The following CORIN variants were observed in gnomAD, a reference collection of about 807,000 sequenced individuals.
The protein encoded by CORIN is corin, serine peptidase.
A neutral mutation model predicts 125.3 loss-of-function variants in CORIN; 117 were observed. The ratio of observed to expected loss-of-function variants is 0.93; its 90% CI spans 0.80 to 1.09. The LOEUF is 1.09. CORIN is among the 50% of genes least tolerant of loss of function. The pLI is 0.00. For synonymous variants in CORIN, 450 were observed against 466.4 expected (o/e 0.96, Z 0.45); for missense variants, 1,253 against 1,306.7 (o/e 0.96, Z 0.63).
rs141285976 is a variant in CORIN at position 47,677,515 on chromosome 4, A to C, written c.1249+423T>G. Among the ~76,000 whole-genome samples the C allele has an allele frequency of 1.0e-3, 157 of 152,352 alleles. 5 individuals carry two copies. In the East Asian group the frequency reaches 0.028, roughly 27 times the overall value. ...TCACACGCAGATATCAAATCCTTTTAAAGTGTATTGCTCGGTAATAAGAGG... is the reference window on the plus strand; with the variant it reads ...TCACACGCAGATATCAAATCCTTTTCAAGTGTATTGCTCGGTAATAAGAGG... On this transcript the variant is annotated intron_variant, in intron 9 of 21. Coordinates refer to ENST00000273857, the MANE Select transcript of CORIN (RefSeq NM_006587.4).
At chr4:47,742,192 G>A (rs1226566920) in intron 5 of CORIN, among the ~76,000 whole-genome samples, 2 of 151,856 alleles carry the variant, frequency 1.3e-5, no homozygotes, top group Non-Finnish European at 2.9e-5. Flanking sequence ...AAAAGTCTTA[G>A]CAAACTACAA....
rs114155572 is a variant in CORIN at position 47,761,594 on chromosome 4, C to T, written c.617+1785G>A. On this transcript the variant is annotated intron_variant, in intron 4 of 21. Coordinates refer to ENST00000273857, the MANE Select transcript of CORIN (RefSeq NM_006587.4). ...ACATGGATCAACCTGGAGGACACTT[C>T]GTTAAGTGGCGTAAGTCAGGCACAG... 6.0e-3 allele frequency among the ~76,000 whole-genome samples: 916 copies of T among 152,128 alleles called. 8 individuals carry two copies. The highest frequency in any genetic ancestry group is 0.021 in the African/African-American group (853 of 41,510).
At chr4:47,632,761 A>AGATAGAT (rs1294162855) in intron 16 of CORIN, among the ~76,000 whole-genome samples, 1 of 135,710 alleles carries the variant, frequency 7.4e-6, no homozygotes, top group Non-Finnish European at 1.6e-5. Flanking sequence ...ATAGATAGAT[A>AGATAGAT]GATAGAGATA....
chr4:47,628,090 C>T (rs1722651907), intron 16 of CORIN, among the ~76,000 whole-genome samples: 1 of 152,134 alleles, frequency 6.6e-6, no homozygotes, highest in Admixed American at 6.6e-5. Flanking sequence ...AGAAATTAAT[C>T]ATCAAGGATA....
At chr4:47,832,445 C>CTTTTTTTTTTTTTTT (rs1211972356) in intron 1 of CORIN, among the ~76,000 whole-genome samples, 1 of 76,922 alleles carries the variant, frequency 1.3e-5, no homozygotes, top group Admixed American at 1.6e-4. Context: ...CTTTTCTTTT[C>CTTTTTTTTTTTTTTT]TTTTTTTTTT....
intron 2 of CORIN, among the ~76,000 whole-genome samples, chr4:47,796,932 C>A (rs1212183962): frequency 1.3e-5 from 2 of 151,992 alleles, no homozygotes; most frequent in African/African-American, 4.8e-5. Flanking sequence ...AGCACCTTGT[C>A]TCTTCCCACA....
intron 5 of CORIN, among the ~76,000 whole-genome samples, chr4:47,720,607 T>C (rs1422378592): frequency 1.3e-5 from 2 of 152,186 alleles, no homozygotes; most frequent in African/African-American, 2.4e-5. Flanking sequence ...TACATCTACA[T>C]AGAGCTATCC....
chr4:47,747,649 T>C (rs1375945246), intron 4 of CORIN, among the ~76,000 whole-genome samples: 1 of 152,208 alleles, frequency 6.6e-6, no homozygotes, highest in Non-Finnish European at 1.5e-5. Context: ...AATTCAGAAA[T>C]GGAATCATTG....
intron 21 of CORIN, among the ~76,000 whole-genome samples, chr4:47,599,226 A>C (rs1721359110): frequency 6.6e-6 from 1 of 152,194 alleles, no homozygotes; most frequent in African/African-American, 2.4e-5. Context: ...GTGGCCATGA[A>C]GCAGAAAGGA....
At chr4:47,776,357 C>G (rs1177438297) in intron 3 of CORIN, among the ~76,000 whole-genome samples, 1 of 149,912 alleles carries the variant, frequency 6.7e-6, no homozygotes, top group Admixed American at 6.6e-5. Context: ...GAGATCTCGG[C>G]TCACTTGAAC....
At position 47,807,013 on chromosome 4, in the gene CORIN, C is replaced by T; in HGVS notation, c.98G>A (p.Gly33Asp). ...AGCAGTCGCCAGCTTCTGAGAGCAG[C>T]CATTGCCCATGTTATTGTCATCAGC... The part of the protein sequence containing the change: ...LRADDNNMGN[G>D]CSQKLATANL... Residue 33 changes from glycine (G) to aspartate (D), a missense_variant, in exon 2 of 22, where the codon GGC becomes GAC. Coordinates refer to ENST00000273857, the MANE Select transcript of CORIN (RefSeq NM_006587.4). 6.2e-7 allele frequency: 1 copy of T among 1,613,840 alleles called. No individual in the cohort carries two copies. The highest frequency in any genetic ancestry group is 2.2e-5 in the East Asian group (1 of 44,866).
intron 10 of CORIN, among the ~76,000 whole-genome samples, chr4:47,671,105 G>A (rs1214523973): frequency 1.3e-5 from 2 of 152,098 alleles, no homozygotes; most frequent in African/African-American, 4.8e-5. Flanking sequence ...AGGCACTAGA[G>A]CAATACATTC....
At chr4:47,761,088 A>G (rs1328373908) in intron 4 of CORIN, among the ~76,000 whole-genome samples, 1 of 152,188 alleles carries the variant, frequency 6.6e-6, no homozygotes, top group Non-Finnish European at 1.5e-5. Flanking sequence ...CTTTCTCCAT[A>G]TCAGCAATAA....
chr4:47,833,521 C>CAAAAAAAAAAAAAAA (rs75657429), intron 1 of CORIN, among the ~76,000 whole-genome samples: 1 of 115,042 alleles, frequency 8.7e-6, no homozygotes, highest in Non-Finnish European at 1.7e-5. Flanking sequence ...AAAGCATAGG[C>CAAAAAAAAAAAAAAA]AAAAAAAAAA....
At chr4:47,653,876 C>T (rs563925474) in intron 12 of CORIN, among the ~76,000 whole-genome samples, 10 of 152,348 alleles carry the variant, frequency 6.6e-5, no homozygotes, top group African/African-American at 2.2e-4. Context: ...CGCGGTTTAA[C>T]ATCTATGTAT....
chr4:47,730,398 G>A (rs1019160231), intron 5 of CORIN, among the ~76,000 whole-genome samples: 13 of 151,128 alleles, frequency 8.6e-5, no homozygotes, highest in South Asian at 2.1e-4. Context: ...GCATGAACCC[G>A]GAAGGCAGAG....
intron 12 of CORIN, among the ~76,000 whole-genome samples, 156 bp from the exon 13 acceptor site, chr4:47,653,816 C>T (rs1723844178): frequency 6.6e-6 from 1 of 152,230 alleles, no homozygotes; most frequent in African/African-American, 2.4e-5. Flanking sequence ...ATTCTTCTGC[C>T]TGCCAATCAG....
chr4:47,721,250 T>C (rs1185417114), intron 5 of CORIN, among the ~76,000 whole-genome samples: 1 of 151,280 alleles, frequency 6.6e-6, no homozygotes, highest in Admixed American at 6.6e-5. Flanking sequence ...TCATGGGGGC[T>C]CCACCCCCAT....
chr4:47,760,938 C>T (rs571832617), intron 4 of CORIN, among the ~76,000 whole-genome samples: 1 of 152,302 alleles, frequency 6.6e-6, no homozygotes, highest in African/African-American at 2.4e-5. Flanking sequence ...CCAATCTCTG[C>T]TAGCATCAAA....
Sources: gnomAD v4.1 joint callset for allele counts (sites outside exome capture counted in the v4.1 genomes callset) on GRCh38, gnomAD v4.1.1 for gene constraint, MANE v1.5 for transcripts, NCBI Gene and HGNC (gene_info 2026-07-23, HGNC 2026-07-21) for gene names.